MYO3B: variants seen among roughly 807,000 people sequenced by gnomAD.
The protein encoded by MYO3B is myosin IIIB.
MYO3B carries 156 observed loss-of-function variants against 174.6 expected under a neutral mutation model. That is an observed-to-expected ratio of 0.89 (90% confidence interval 0.78 to 1.02). The LOEUF is 1.02. Ranked by LOEUF, MYO3B falls within the 50% of genes least tolerant of loss-of-function variation. The probability of loss-of-function intolerance (pLI) is 0.00; values close to 1 mark genes in which losing one functional copy is unlikely to be tolerated. For synonymous variants in MYO3B, 563 were observed against 569.1 expected (o/e 0.99, Z 0.15); for missense variants, 1,632 against 1,639.4 (o/e 1.00, Z 0.08).
intron 30 of MYO3B, among the ~76,000 whole-genome samples, chr2:170,540,755 ATCT>A (rs1429057851): frequency 1.3e-5 from 2 of 152,222 alleles, no homozygotes; most frequent in African/African-American, 4.8e-5. Flanking sequence ...GACTTGTACC[ATCT>A]TCTTAAAAGC....
chr2:170,213,435 A>G (rs1030911280), intron 3 of MYO3B, among the ~76,000 whole-genome samples: 1 of 152,168 alleles, frequency 6.6e-6, no homozygotes, highest in African/African-American at 2.4e-5. Flanking sequence ...GAAGTTTCAC[A>G]GTGTCTTTTC....
chr2:170,452,515 G>T (rs1026196509), intron 23 of MYO3B, among the ~76,000 whole-genome samples: 31 of 152,206 alleles, frequency 2.0e-4, no homozygotes, highest in Non-Finnish European at 2.4e-4. Context: ...GTATAGCTTG[G>T]ATATCCATTT....
chr2:170,316,640 T>G (rs149195856), intron 7 of MYO3B, among the ~76,000 whole-genome samples: 239 of 152,366 alleles, frequency 1.6e-3, no homozygotes, highest in African/African-American at 5.1e-3. Flanking sequence ...TTCTGCTGCC[T>G]TGGCTTATTC....
chr2:170,282,947 G>A (rs1003322462), intron 7 of MYO3B, among the ~76,000 whole-genome samples: 2 of 152,092 alleles, frequency 1.3e-5, no homozygotes, highest in African/African-American at 4.8e-5. Context: ...GAGTTCTGGG[G>A]ACTCTGTTTT....
intron 22 of MYO3B, among the ~76,000 whole-genome samples, chr2:170,416,122 G>C (rs1164303043): frequency 6.6e-6 from 1 of 152,126 alleles, no homozygotes; most frequent in Non-Finnish European, 1.5e-5. Context: ...ACCCTGTGAA[G>C]ATGAAAGCAG....
chr2:170,569,689 C>T (rs1333588010), intron 32 of MYO3B, among the ~76,000 whole-genome samples: 1 of 151,412 alleles, frequency 6.6e-6, no homozygotes, highest in African/African-American at 2.4e-5. Flanking sequence ...TGGTGAAACC[C>T]CATTTCTACT....
At chr2:170,593,505 C>T (rs2106327728) in intron 32 of MYO3B, among the ~76,000 whole-genome samples, 1 of 152,268 alleles carries the variant, frequency 6.6e-6, no homozygotes, top group African/African-American at 2.4e-5. Flanking sequence ...AGGTGCATAG[C>T]CCCTTGTATA....
intron 30 of MYO3B, among the ~76,000 whole-genome samples, chr2:170,532,929 A>G (rs1476185985): frequency 1.3e-5 from 2 of 152,170 alleles, no homozygotes; most frequent in African/African-American, 4.8e-5. Context: ...GAGAGAGGAC[A>G]AAGCAAATAT....
chr2:170,477,427 C>T (rs1490353723), intron 25 of MYO3B, among the ~76,000 whole-genome samples: 1 of 152,078 alleles, frequency 6.6e-6, no homozygotes, highest in Non-Finnish European at 1.5e-5. Context: ...AGACTGTGAA[C>T]TTTTACAGGG....
At chr2:170,594,366 AGAG>A (rs1559143972) in intron 32 of MYO3B, among the ~76,000 whole-genome samples, 2 of 152,164 alleles carry the variant, frequency 1.3e-5, no homozygotes. Flanking sequence ...AGAGATGAGG[AGAG>A]GAGAGACTCT....
chr2:170,414,702 C>T (rs890710109), intron 22 of MYO3B, among the ~76,000 whole-genome samples: 1 of 152,104 alleles, frequency 6.6e-6, no homozygotes, highest in Non-Finnish European at 1.5e-5. Context: ...TTGAATATTC[C>T]ATTCCATGAA....
At position 170,651,655 on chromosome 2, in the gene MYO3B, A is replaced by T; in HGVS notation, c.3761A>T (p.His1254Leu). The change falls in exon 33 of 35, where the codon CAT becomes CTT. Residue 1254 changes from histidine to leucine, a missense_variant. Physicochemically the swap from His to Leu is moderately conservative, Grantham distance 99 (BLOSUM62 -3). Coordinates refer to ENST00000408978, the MANE Select transcript of MYO3B (RefSeq NM_138995.5). ...PGSENGLAQKHRTPRRRCQQP... is the reference protein window; with the variant it reads ...PGSENGLAQKLRTPRRRCQQP... ...TCAGAAAATGGTCTTGCACAGAAGC[A>T]TCGAACACCTCGCCGACGATGTCAG... 1 of 1,614,188 alleles carries T rather than the reference A, an allele frequency of 6.2e-7. No homozygotes were observed. Among genetic ancestry groups the T allele is most frequent in the Non-Finnish European group, 8.5e-7 (1 of 1,180,040 alleles).
chr2:170,306,323 G>A (rs1300673087), intron 7 of MYO3B, among the ~76,000 whole-genome samples: 1 of 152,178 alleles, frequency 6.6e-6, no homozygotes, highest in African/African-American at 2.4e-5. Context: ...CAAGGAGTGA[G>A]GGCATAGACC....
intron 3 of MYO3B, among the ~76,000 whole-genome samples, chr2:170,212,876 A>G (rs2092787503): frequency 6.6e-6 from 1 of 152,180 alleles, no homozygotes; most frequent in Admixed American, 6.5e-5. Flanking sequence ...AAAGCATCTG[A>G]TGTAAACACT....
chr2:170,546,470 C>T (rs1392009428), intron 32 of MYO3B, among the ~76,000 whole-genome samples: 1 of 152,174 alleles, frequency 6.6e-6, no homozygotes, highest in African/African-American at 2.4e-5. Context: ...GTTTCTGAGG[C>T]AAGCTCCAAA....
intron 32 of MYO3B, among the ~76,000 whole-genome samples, chr2:170,587,809 T>C (rs1693578832): frequency 6.6e-6 from 1 of 152,228 alleles, no homozygotes; most frequent in South Asian, 2.1e-4. Flanking sequence ...CAAGACTTGT[T>C]ATTCACTACA....
At chr2:170,395,823 A>G (rs1197750119) in intron 16 of MYO3B, among the ~76,000 whole-genome samples, 1 of 152,178 alleles carries the variant, frequency 6.6e-6, no homozygotes, top group African/African-American at 2.4e-5. Context: ...CAGAGAAACA[A>G]CTACCGGAGA....
chr2:170,388,262 G>A (rs1412539204), intron 14 of MYO3B, among the ~76,000 whole-genome samples: 1 of 152,084 alleles, frequency 6.6e-6, no homozygotes, highest in East Asian at 1.9e-4. Context: ...TGAGGAAGCA[G>A]TAGGGGAGGA....
intron 9 of MYO3B, among the ~76,000 whole-genome samples, chr2:170,379,473 G>T (rs1050669706): frequency 2.6e-5 from 4 of 152,142 alleles, no homozygotes; most frequent in African/African-American, 9.7e-5. Flanking sequence ...GATTACAGGC[G>T]TGAACCACTG....
Sources: allele counts gnomAD v4.1 joint callset (sites outside exome capture counted in the v4.1 genomes callset), GRCh38; gene constraint gnomAD v4.1.1; transcripts MANE v1.5; gene names NCBI Gene and HGNC (gene_info 2026-07-23, HGNC 2026-07-21).